The following TMX1 variants were observed in gnomAD, a reference collection of about 807,000 sequenced individuals.
The protein encoded by TMX1 is thioredoxin-related transmembrane protein 1.
A neutral mutation model predicts 36.6 loss-of-function variants in TMX1; 25 were observed. The observed-to-expected ratio is 0.68, with a 90% CI of 0.50 to 0.95. TMX1 has a LOEUF of 0.95. Ranked by LOEUF, TMX1 falls within the 40% of genes least tolerant of loss-of-function variation. The probability of loss-of-function intolerance (pLI) is 0.00; values close to 1 mark genes in which losing one functional copy is unlikely to be tolerated. For missense variants in TMX1, 347 were observed against 339.6 expected, an observed-to-expected ratio of 1.02 and a Z score of -0.17; for synonymous variants, 133 against 118.0, an observed-to-expected ratio of 1.13 and a Z score of -0.82.
At chr14:51,245,268 A>C in intron 2 of TMX1, 45 bp from the exon 3 acceptor site, 2 of 1,611,082 alleles carry the variant, frequency 1.2e-6, no homozygotes, top group Non-Finnish European at 1.7e-6. Context: ...TTAAGTAGTC[A>C]GTGATTGGCC....
intron 3 of TMX1, 133 bp from the exon 4 acceptor site, chr14:51,246,959 T>A: frequency 5.8e-6 from 4 of 691,216 alleles, no homozygotes; most frequent in Non-Finnish European, 8.6e-6. Flanking sequence ...ATAGTATAAT[T>A]TGCTATTAAT....
Position 51,257,197 on chromosome 14 carries a change from C to A in TMX1, c.*2678C>A, listed in dbSNP as rs1055977477. Reference sequence around the variant, plus strand: ...CTATTCATAAATAACCATAATTATTCAGTATTTGCAGTCTCGTGATGTTGG... The same window carrying A: ...CTATTCATAAATAACCATAATTATTAAGTATTTGCAGTCTCGTGATGTTGG... On this transcript the variant is annotated 3_prime_UTR_variant, in exon 8 of 8. Coordinates refer to ENST00000457354, the MANE Select transcript of TMX1 (RefSeq NM_030755.5). 6.6e-6 allele frequency: 1 copy of A among 152,130 alleles called. No homozygotes were observed. The highest frequency in any genetic ancestry group is 1.5e-5 in the Non-Finnish European group (1 of 68,030). 9.4% of individuals were successfully genotyped at this position (152,130 alleles called of 1,614,324 possible). A position where few individuals can be genotyped will look rare whatever the true frequency, so the allele number is the denominator to read the frequency against.
intron 1 of TMX1, among the ~76,000 whole-genome samples, chr14:51,241,851 C>T (rs2065763062): frequency 6.6e-6 from 1 of 152,160 alleles, no homozygotes; most frequent in Non-Finnish European, 1.5e-5. Context: ...ACAAAACTGG[C>T]CGGCGCGGTG....
intron 7 of TMX1, among the ~76,000 whole-genome samples, chr14:51,252,970 T>C (rs2065821777): frequency 6.6e-6 from 1 of 152,218 alleles, no homozygotes; most frequent in Non-Finnish European, 1.5e-5. Context: ...CAAGGACATC[T>C]GGATCAGTTT....
intron 3 of TMX1, among the ~76,000 whole-genome samples, chr14:51,246,659 G>T (rs1328201637): frequency 6.6e-6 from 1 of 152,182 alleles, no homozygotes; most frequent in Non-Finnish European, 1.5e-5. Flanking sequence ...GGTGTCTGAG[G>T]TGATGCTATT....
At chr14:51,254,145 T>C in intron 7 of TMX1, 196 bp from the exon 8 acceptor site, 1 of 417,864 alleles carries the variant, frequency 2.4e-6, no homozygotes, top group Non-Finnish European at 4.1e-6. Flanking sequence ...ATAACTAAAA[T>C]GGCTCAAACA....
chr14:51,242,647 G>A (rs148766763), intron 1 of TMX1, among the ~76,000 whole-genome samples: 2 of 152,248 alleles, frequency 1.3e-5, no homozygotes, highest in East Asian at 3.9e-4. Context: ...GGGCGTGTGG[G>A]CAGGCATCTG....
At chr14:51,251,365 A>G (rs2065812426) in intron 7 of TMX1, among the ~76,000 whole-genome samples, 1 of 152,176 alleles carries the variant, frequency 6.6e-6, no homozygotes, top group Admixed American at 6.5e-5. Flanking sequence ...GTTGTATTAA[A>G]TGCCTTTTTG....
intron 7 of TMX1, among the ~76,000 whole-genome samples, chr14:51,250,779 CTG>C (rs2065808184): frequency 6.6e-6 from 1 of 152,240 alleles, no homozygotes; most frequent in Admixed American, 6.5e-5. Context: ...GCGTGAGCCA[CTG>C]CGCCCAGCCA....
At chr14:51,250,955 A>G (rs1318970870) in intron 7 of TMX1, among the ~76,000 whole-genome samples, 1 of 152,084 alleles carries the variant, frequency 6.6e-6, no homozygotes, top group Non-Finnish European at 1.5e-5. Context: ...GGATGGAATC[A>G]TTTTATCCAA....
intron 3 of TMX1, among the ~76,000 whole-genome samples, chr14:51,246,409 A>G (rs183878020): frequency 4.2e-3 from 640 of 152,196 alleles, no homozygotes; most frequent in Non-Finnish European, 7.0e-3. Context: ...CGTGGTTTTT[A>G]CCTCTGAGTG....
intron 1 of TMX1, among the ~76,000 whole-genome samples, chr14:51,243,093 T>TAAAAAA (rs34241507): frequency 1.4e-5 from 2 of 138,190 alleles, no homozygotes; most frequent in African/African-American, 5.4e-5. Context: ...CTGGTTCTGT[T>TAAAAAA]AAAAAAAAAA....
chr14:51,253,249 G>A (rs2065823119), intron 7 of TMX1, among the ~76,000 whole-genome samples: 1 of 152,132 alleles, frequency 6.6e-6, no homozygotes, highest in Admixed American at 6.5e-5. Flanking sequence ...CAATAGCACT[G>A]CCCTTCTGAG....
rs1351465748 is a variant in TMX1 at position 51,255,686 on chromosome 14, G to A, written c.*1167G>A. 6.6e-6 allele frequency: 1 copy of A among 151,852 alleles called. No individual in the cohort carries two copies. The highest frequency in any genetic ancestry group is 1.9e-4 in the East Asian group (1 of 5,196). The allele number at this position is 151,852 out of a possible 1,614,324, so 9.4% of individuals were successfully genotyped here. A position where few individuals can be genotyped will look rare whatever the true frequency, so the allele number is the denominator to read the frequency against. ...ATTATCCTGTGTTCTTTCCTGACTG[G>A]TAATATTGTGTGGGATTTCACAGGT... On this transcript the variant is annotated 3_prime_UTR_variant, in exon 8 of 8. Transcript: ENST00000457354.
chr14:51,245,225 T>G, intron 2 of TMX1, 88 bp from the exon 3 acceptor site: 1 of 1,399,470 alleles, frequency 7.1e-7, no homozygotes, highest in Non-Finnish European at 1.0e-6. Context: ...TTCTTTCCTA[T>G]TAGTATGTAT....
At chr14:51,245,656 C>CCTG (rs2065782435) in intron 3 of TMX1, 1 of 457,914 alleles carries the variant, frequency 2.2e-6, no homozygotes, top group Non-Finnish European at 3.9e-6. Flanking sequence ...AGTGGTGAGT[C>CCTG]CTGTAGGTAA....
At position 51,254,621 on chromosome 14, in the gene TMX1, G is replaced by A; in HGVS notation, c.*102G>A. The A allele has an allele frequency of 9.6e-7, 1 of 1,040,040 alleles. No homozygotes were observed. Among genetic ancestry groups the A allele is most frequent in the East Asian group, 2.7e-5 (1 of 37,156 alleles). The allele number at this position is 1,040,040 out of a possible 1,614,324, so 64.4% of individuals were successfully genotyped here. The stretch of plus-strand genomic sequence containing the variant: ...ACTGTGACTTTTTTGAATATTGCAG[G>A]GTTCAGTCTAGATTGTCATTAAATT... On this transcript the variant is annotated 3_prime_UTR_variant, in exon 8 of 8. Transcript: ENST00000457354.
intron 4 of TMX1, among the ~76,000 whole-genome samples, chr14:51,248,472 A>G (rs892682140): frequency 6.6e-6 from 1 of 152,248 alleles, no homozygotes; most frequent in Non-Finnish European, 1.5e-5. Context: ...GAAATAAATT[A>G]CTGCAGACTA....
rs562320120 is a variant in TMX1 at position 51,240,394 on chromosome 14, C to T, written c.102C>T (p.Ile34=). ...THGRRSNVRV[I]TDENWRELLE... ...GGCGGCGGAGCAACGTTCGCGTCAT[C>T]ACGGACGAGAACTGGAGAGAACTGC... The change falls in exon 1 of 8, where the codon ATC becomes ATT. Residue 34 remains isoleucine, a synonymous_variant. Coordinates refer to ENST00000457354, the MANE Select transcript of TMX1 (RefSeq NM_030755.5). 8 of 1,614,036 alleles carry T rather than the reference C, an allele frequency of 5.0e-6. No homozygotes were observed. The East Asian group carries it at 1.8e-4, about 36-fold the overall frequency.
Sources: allele counts gnomAD v4.1 joint callset (sites outside exome capture counted in the v4.1 genomes callset), GRCh38; gene constraint gnomAD v4.1.1; transcripts MANE v1.5; gene names NCBI Gene and HGNC (gene_info 2026-07-23, HGNC 2026-07-21).